The following PDSS1 variants were observed in gnomAD, a reference collection of about 807,000 sequenced individuals.
PDSS1 encodes all trans-polyprenyl-diphosphate synthase PDSS1.
In PDSS1, 43 loss-of-function variants were observed where a neutral mutation model predicts 57.5. The ratio of observed to expected loss-of-function variants is 0.75; its 90% CI spans 0.59 to 0.96. The LOEUF is 0.96. Ranked by LOEUF, PDSS1 falls within the 50% of genes least tolerant of loss-of-function variation. PDSS1 has a pLI of 0.00. For missense variants in PDSS1, 438 were observed against 527.8 expected, an observed-to-expected ratio of 0.83 and a Z score of 1.67; for synonymous variants, 175 against 191.3, an observed-to-expected ratio of 0.91 and a Z score of 0.70.
At chr10:26,729,946 TC>T (rs1836115373) in intron 8 of PDSS1, among the ~76,000 whole-genome samples, 1 of 140,696 alleles carries the variant, frequency 7.1e-6, no homozygotes, top group Non-Finnish European at 1.5e-5. Flanking sequence ...GGAGTCTTGC[TC>T]TTTCGCCCAG....
At chr10:26,715,113 G>C (rs562489244) in intron 5 of PDSS1, 1 of 152,392 alleles carries the variant, frequency 6.6e-6, no homozygotes, top group African/African-American at 2.4e-5. Flanking sequence ...CAAGAAGGTT[G>C]CTACCAAAGG....
At chr10:26,740,142 A>C (rs1000581775) in intron 10 of PDSS1, among the ~76,000 whole-genome samples, 5 of 87,982 alleles carry the variant, frequency 5.7e-5, no homozygotes, top group African/African-American at 3.3e-4. Flanking sequence ...ACTCCATCTC[A>C]AAAAAAAAAA....
intron 10 of PDSS1, among the ~76,000 whole-genome samples, chr10:26,738,881 G>A (rs1026207867): frequency 1.3e-5 from 2 of 152,160 alleles, no homozygotes; most frequent in African/African-American, 2.4e-5. Flanking sequence ...AGTCCCAGGG[G>A]ATGACAGCGT....
At chr10:26,720,744 C>G (rs1326050719) in intron 6 of PDSS1, among the ~76,000 whole-genome samples, 1 of 151,922 alleles carries the variant, frequency 6.6e-6, no homozygotes, top group Non-Finnish European at 1.5e-5. Context: ...ACAAATAAAA[C>G]TAATAAAAGA....
chr10:26,725,000 C>G (rs747376301), intron 8 of PDSS1, among the ~76,000 whole-genome samples: 32 of 152,260 alleles, frequency 2.1e-4, no homozygotes, highest in Admixed American at 7.9e-4. Context: ...CTCCCTCCCT[C>G]CGCTGTGCAT....
chr10:26,697,959 G>A (rs1834922651), intron 1 of PDSS1, 119 bp downstream of exon 1: 2 of 960,806 alleles, frequency 2.1e-6, no homozygotes, highest in South Asian at 9.9e-5. Flanking sequence ...GCGCGGGGTA[G>A]CTCCGGGGTA....
Position 26,735,598 on chromosome 10 carries a change from C to CT in PDSS1, c.1026+22dup. 1.3e-5 allele frequency: 17 copies of CT among 1,349,648 alleles called. No homozygotes were observed. Among genetic ancestry groups the CT allele is most frequent in the Non-Finnish European group, 1.8e-5 (17 of 938,408 alleles). The allele number at this position is 1,349,648 out of a possible 1,614,324, so 83.6% of individuals were successfully genotyped here. ...TCAGCAGGTAGGTTTTACAAACTCC[C>CT]TTTGACACATCACTGCATAGCCCCA... On this transcript the variant is annotated intron_variant, in intron 10 of 11. Coordinates refer to ENST00000376215, the MANE Select transcript of PDSS1 (RefSeq NM_014317.5).
At chr10:26,722,128 A>G (rs977572341) in intron 6 of PDSS1, among the ~76,000 whole-genome samples, 2 of 152,164 alleles carry the variant, frequency 1.3e-5, no homozygotes, top group Non-Finnish European at 2.9e-5. Flanking sequence ...TGAAGAAGGA[A>G]CTAAAGGCCA....
intron 8 of PDSS1, among the ~76,000 whole-genome samples, chr10:26,733,964 A>G (rs893695479): frequency 1.3e-5 from 2 of 152,136 alleles, no homozygotes; most frequent in Admixed American, 6.6e-5. Flanking sequence ...ACAGAGTGAG[A>G]CCCTATTTCT....
chr10:26,734,823 A>G (rs1256990441), intron 8 of PDSS1: 2 of 451,540 alleles, frequency 4.4e-6, no homozygotes, highest in Non-Finnish European at 4.4e-6. Flanking sequence ...ACATTGATAG[A>G]GATGATTAAA....
intron 1 of PDSS1, among the ~76,000 whole-genome samples, chr10:26,701,604 T>C (rs1835053367): frequency 1.3e-5 from 2 of 152,222 alleles, no homozygotes. Flanking sequence ...GACAACAATT[T>C]GGGAACTTCT....
intron 8 of PDSS1, among the ~76,000 whole-genome samples, chr10:26,728,846 T>C (rs181347222): frequency 7.2e-6 from 1 of 139,258 alleles, no homozygotes; most frequent in Non-Finnish European, 1.5e-5. Context: ...TGGTGCAATC[T>C]CAGCTCACTG....
chr10:26,728,993 C>G lies in PDSS1; in HGVS notation c.831+4870C>G, dbSNP rs1467895819. Among the ~76,000 whole-genome samples the G allele has an allele frequency of 2.6e-5, 4 of 152,002 alleles. No individual in the cohort carries two copies. In the East Asian group the frequency reaches 7.7e-4, roughly 29 times the overall value. ...ACGGGGTTTTGCCATTTTGCCCAGG[C>G]TGGTCTCAAACTCCTGGCCTCAAGT... On this transcript the variant is annotated intron_variant, in intron 8 of 11. Transcript: ENST00000376215.
At chr10:26,729,946 T>C (rs948647561) in intron 8 of PDSS1, among the ~76,000 whole-genome samples, 1 of 140,696 alleles carries the variant, frequency 7.1e-6, no homozygotes, top group Non-Finnish European at 1.5e-5. Context: ...GGAGTCTTGC[T>C]CTTTCGCCCA....
At chr10:26,700,439 T>C (rs1616471) in intron 1 of PDSS1, among the ~76,000 whole-genome samples, 96,339 of 151,774 alleles carry the variant, frequency 0.63, 31,178 homozygotes, top group East Asian at 0.8. Context: ...CCTCCTGATA[T>C]GGTTTGGCTC....
chr10:26,738,194 A>G lies in PDSS1; in HGVS notation c.1026+2615A>G, dbSNP rs544096606. Among the ~76,000 whole-genome samples the G allele has an allele frequency of 1.5e-4, 23 of 152,366 alleles. No individual in the cohort carries two copies. In the East Asian group the frequency reaches 4.0e-3, roughly 27 times the overall value. The stretch of plus-strand genomic sequence containing the variant: ...AACAAGTTCCAAAAATAACGTAAGA[A>G]TATGCAATATCTCCACTTAATGAAA... On this transcript the variant is annotated intron_variant, in intron 10 of 11. Coordinates refer to ENST00000376215, the MANE Select transcript of PDSS1 (RefSeq NM_014317.5).
At chr10:26,725,265 A>C (rs1301654217) in intron 8 of PDSS1, among the ~76,000 whole-genome samples, 2 of 152,218 alleles carry the variant, frequency 1.3e-5, no homozygotes, top group Middle Eastern at 3.2e-3. Context: ...CATAATTAAC[A>C]GGTAAAGAGA....
At chr10:26,727,864 T>TCTC (rs1836012646) in intron 8 of PDSS1, among the ~76,000 whole-genome samples, 1 of 152,156 alleles carries the variant, frequency 6.6e-6, no homozygotes, top group Non-Finnish European at 1.5e-5. Context: ...ATTACCTTGG[T>TCTC]ATTTGGAAGA....
At chr10:26,697,985 T>A in intron 1 of PDSS1, 145 bp downstream of exon 1, 1 of 718,430 alleles carries the variant, frequency 1.4e-6, no homozygotes, top group Non-Finnish European at 1.9e-6. Context: ...GGGGTGGGAC[T>A]CCGGAGCTGA....
Sources: gnomAD v4.1 joint callset for allele counts (sites outside exome capture counted in the v4.1 genomes callset) on GRCh38, gnomAD v4.1.1 for gene constraint, MANE v1.5 for transcripts, NCBI Gene and HGNC (gene_info 2026-07-23, HGNC 2026-07-21) for gene names.